Variants in SEC22B observed in about 807,000 individuals in gnomAD.
SEC22B encodes vesicle-trafficking protein SEC22b.
Under a neutral mutation model 31.4 loss-of-function variants are expected in SEC22B, and 10 were observed. The observed-to-expected ratio is 0.32, with a 90% CI of 0.20 to 0.54. SEC22B has a LOEUF of 0.54. SEC22B is among the 20% of genes least tolerant of loss of function. The pLI is 0.94. For missense variants in SEC22B, 130 were observed against 263.4 expected, an observed-to-expected ratio of 0.49 and a Z score of 3.50; for synonymous variants, 60 against 95.9, an observed-to-expected ratio of 0.63 and a Z score of 2.19.
At chr1:120,169,743 G>T (rs1657866931) in intron 1 of SEC22B, among the ~76,000 whole-genome samples, 2 of 145,494 alleles carry the variant, frequency 1.4e-5, no homozygotes, top group African/African-American at 5.1e-5. Flanking sequence ...CAATCTACTA[G>T]ATCCAACAGG....
chr1:120,170,559 G>A (rs1373270782), intron 1 of SEC22B, among the ~76,000 whole-genome samples: 32 of 151,836 alleles, frequency 2.1e-4, no homozygotes, highest in African/African-American at 2.9e-4. Context: ...GAGATAGGCA[G>A]AGTCCAGTTG....
chr1:120,176,432 T>G lies in SEC22B; in HGVS notation c.-51A>C. The G allele has an allele frequency of 6.6e-7, 1 of 1,511,780 alleles. No individual in the cohort carries two copies. The highest frequency in any genetic ancestry group is 1.7e-4 in the Middle Eastern group (1 of 5,876). 93.6% of individuals were successfully genotyped at this position (1,511,780 alleles called of 1,614,324 possible). On this transcript the variant is annotated 5_prime_UTR_variant, in exon 1 of 5. Coordinates refer to ENST00000578049, the MANE Select transcript of SEC22B (RefSeq NM_004892.6). ...CTGGCCCGGAAGGCCCTTGGCGCCG[T>G]CCTCACTTCCTCCGCCGCGACAACA...
chr1:120,170,440 C>G (rs1657878025), intron 1 of SEC22B, among the ~76,000 whole-genome samples: 1 of 144,910 alleles, frequency 6.9e-6, no homozygotes, highest in Non-Finnish European at 1.5e-5. Flanking sequence ...AGTGGCAGAT[C>G]AGCAAATGTA....
Position 120,176,504 on chromosome 1 carries a change from C to T in SEC22B, c.-123G>A, listed in dbSNP as rs1657969810. On this transcript the variant is annotated 5_prime_UTR_variant, in exon 1 of 5. Transcript: ENST00000578049. ...ACCGGAGATCCAGCTGCTTGCGTCT[C>T]CGCTTCCCGCTGAGGTGGCCGGAAA... 2.3e-6 allele frequency: 2 copies of T among 855,996 alleles called. No homozygotes were observed. Among genetic ancestry groups the T allele is most frequent in the Non-Finnish European group, 3.7e-6 (2 of 543,214 alleles). 53.0% of individuals were successfully genotyped at this position (855,996 alleles called of 1,614,324 possible).
intron 4 of SEC22B, chr1:120,159,527 A>G (rs1244933904): frequency 6.7e-6 from 1 of 148,400 alleles, no homozygotes; most frequent in Non-Finnish European, 1.5e-5. Context: ...GTTATATGGA[A>G]ATATATTTAA....
intron 4 of SEC22B, 21 bp downstream of exon 4, chr1:120,160,363 A>C (rs2101127556): frequency 6.3e-7 from 1 of 1,588,354 alleles, no homozygotes; most frequent in South Asian, 1.1e-5. Context: ...TTTCTTCATA[A>C]GACTCATTGC....
chr1:120,166,731 G>C (rs1294954702), intron 2 of SEC22B, among the ~76,000 whole-genome samples: 2,950 of 149,748 alleles, frequency 0.02, 79 homozygotes, highest in African/African-American at 0.07. Flanking sequence ...CAGAACTGTA[G>C]GGTGAATATG....
chr1:120,156,179 G>A lies in SEC22B; in HGVS notation c.*859C>T, dbSNP rs1431449228. ...GGTAGAGAAAGTAAAGAAGGGGCAG[G>A]AGAAAGCTGTAATTATAACCTGGGC... On this transcript the variant is annotated 3_prime_UTR_variant, in exon 5 of 5. Transcript: ENST00000578049. 1.7e-4 allele frequency: 26 copies of A among 152,016 alleles called. No individual in the cohort carries two copies. Among genetic ancestry groups the A allele is most frequent in the African/African-American group, 6.0e-4 (25 of 41,524 alleles). The allele number at this position is 152,016 out of a possible 1,614,324, so 9.4% of individuals were successfully genotyped here. A position where few individuals can be genotyped will look rare whatever the true frequency, so the allele number is the denominator to read the frequency against.
chr1:120,175,413 T>G (rs1289739191), intron 1 of SEC22B, among the ~76,000 whole-genome samples: 44 of 135,818 alleles, frequency 3.2e-4, no homozygotes, highest in Non-Finnish European at 2.0e-4. Context: ...TTTTTAAGGC[T>G]CAAGGTTTTA....
At chr1:120,169,417 T>C (rs1468549431) in intron 1 of SEC22B, among the ~76,000 whole-genome samples, 1 of 152,210 alleles carries the variant, frequency 6.6e-6, no homozygotes, top group East Asian at 1.9e-4. Flanking sequence ...ATGTGTGTAC[T>C]AGTGACTGCA....
At chr1:120,159,773 T>A (rs1428257883) in intron 4 of SEC22B, among the ~76,000 whole-genome samples, 1 of 152,088 alleles carries the variant, frequency 6.6e-6, no homozygotes, top group Non-Finnish European at 1.5e-5. Flanking sequence ...TAAGGCAGAA[T>A]AGACCACTAA....
intron 2 of SEC22B, among the ~76,000 whole-genome samples, chr1:120,166,957 G>A (rs1657822785): frequency 8.2e-6 from 1 of 121,420 alleles, no homozygotes. Context: ...AAAACATAAG[G>A]AGGAGTTTAG....
At position 120,156,878 on chromosome 1, in the gene SEC22B, G is replaced by A. The variant is rs1657636634; in HGVS notation, c.*160C>T. On this transcript the variant is annotated 3_prime_UTR_variant, in exon 5 of 5. Coordinates refer to ENST00000578049, the MANE Select transcript of SEC22B (RefSeq NM_004892.6). ...CATAGGGTTAAGCTTCATTAAATGA[G>A]GTGCAACCTTTCATTTTCAGGGCAT... 1 of 450,012 alleles carries A rather than the reference G, an allele frequency of 2.2e-6. No individual in the cohort carries two copies. The highest frequency in any genetic ancestry group is 3.7e-6 in the Non-Finnish European group (1 of 267,784). The allele number at this position is 450,012 out of a possible 1,614,324, so 27.9% of individuals were successfully genotyped here. A position where few individuals can be genotyped will look rare whatever the true frequency, so the allele number is the denominator to read the frequency against.
intron 1 of SEC22B, among the ~76,000 whole-genome samples, chr1:120,171,721 T>C (rs1360328284): frequency 8.0e-6 from 1 of 124,558 alleles, no homozygotes; most frequent in Non-Finnish European, 1.5e-5. Flanking sequence ...TATTTAATGT[T>C]ATACACACAT....
At position 120,168,889 on chromosome 1, in the gene SEC22B, C is replaced by G; in HGVS notation, c.136G>C (p.Glu46Gln). The stretch of plus-strand genomic sequence containing the variant: ...AAGGTACATCTGGTAGGGGACTGTT[C>G]ATTCAACTTTCGAAAGAGTTGCTTA... ...QAKQLFRKLN[E>Q]QSPTRCTLEA... The change falls in exon 2 of 5, where the codon GAA (glutamate) becomes CAA (glutamine). Residue 46 changes from glutamate (E) to glutamine (Q), a missense_variant. Physicochemically the swap from Glu to Gln is conservative, Grantham distance 29. Around this residue, in one of 4 missense-constraint regions of SEC22B, gnomAD observed 41 missense variants for 124.9 expected, o/e 0.33. Transcript: ENST00000578049. 7 of 1,460,646 alleles carry G rather than the reference C, an allele frequency of 4.8e-6. No individual in the cohort carries two copies. The highest frequency in any genetic ancestry group is 6.3e-6 in the Non-Finnish European group (7 of 1,103,208). The allele number at this position is 1,460,646 out of a possible 1,614,324, so 90.5% of individuals were successfully genotyped here. A position where few individuals can be genotyped will look rare whatever the true frequency, so the allele number is the denominator to read the frequency against.
At chr1:120,162,831 A>T (rs1253547352) in intron 3 of SEC22B, among the ~76,000 whole-genome samples, 4 of 152,164 alleles carry the variant, frequency 2.6e-5, no homozygotes, top group Non-Finnish European at 4.4e-5. Flanking sequence ...TCTGATCTCC[A>T]TAAAATGAGC....
chr1:120,166,142 T>C (rs1429405069), intron 2 of SEC22B, among the ~76,000 whole-genome samples: 1 of 146,864 alleles, frequency 6.8e-6, no homozygotes, highest in Non-Finnish European at 1.5e-5. Context: ...CAATAAATGC[T>C]GTTGAGGATG....
Position 120,151,873 on chromosome 1 carries a change from G to A in SEC22B, c.*5165C>T, listed in dbSNP as rs1657547239. Reference sequence around the variant, plus strand: ...ATTTTTGGTTAATAGTCTAGTTAGAGGTGAAAGAAGAAAGCAGAGGAGTCT... The same window carrying A: ...ATTTTTGGTTAATAGTCTAGTTAGAAGTGAAAGAAGAAAGCAGAGGAGTCT... On this transcript the variant is annotated 3_prime_UTR_variant, in exon 5 of 5. Transcript: ENST00000578049. 1.3e-5 allele frequency: 2 copies of A among 151,752 alleles called. No homozygotes were observed. The highest frequency in any genetic ancestry group is 2.9e-5 in the Non-Finnish European group (2 of 67,980). The allele number at this position is 151,752 out of a possible 1,614,324, so 9.4% of individuals were successfully genotyped here.
chr1:120,171,074 G>A lies in SEC22B; in HGVS notation c.76-2125C>T, dbSNP rs1174438697. On this transcript the variant is annotated intron_variant, in intron 1 of 4. Coordinates refer to ENST00000578049, the MANE Select transcript of SEC22B (RefSeq NM_004892.6). ...ACATAGATCGGTGATTTTCAACCTT[G>A]GCTTCACAATAGAATCATTTGGGGA... Among the ~76,000 whole-genome samples the A allele has an allele frequency of 3.8e-5, 5 of 130,366 alleles. 1 individual carries two copies. Among genetic ancestry groups the A allele is most frequent in the Non-Finnish European group, 7.5e-5 (5 of 66,420 alleles). 85.5% of individuals were successfully genotyped at this position (130,366 alleles called of 152,430 possible).
Sources: gnomAD v4.1 joint callset for allele counts (sites outside exome capture counted in the v4.1 genomes callset) on GRCh38, gnomAD v4.1.1 for gene constraint, gnomAD v4.1.1 regional missense constraint, MANE v1.5 for transcripts, NCBI Gene and HGNC (gene_info 2026-07-23, HGNC 2026-07-21) for gene names.